Variants in PDE7B observed in about 807,000 individuals in gnomAD.
PDE7B encodes 3',5'-cyclic-AMP phosphodiesterase 7B.
In PDE7B, 29 loss-of-function variants were observed where a neutral mutation model predicts 56.2. The observed-to-expected ratio is 0.52, with a 90% CI of 0.38 to 0.70. PDE7B has a LOEUF of 0.70. Among genes scored for constraint, PDE7B ranks in the 30% least tolerant of loss-of-function variants. The pLI is 0.00. For missense variants in PDE7B, 490 were observed against 565.0 expected (o/e 0.87, Z 1.35); for synonymous variants, 197 against 196.9 (o/e 1.00, Z 0.00).
chr6:136,181,391 C>T (rs1453477482), intron 11 of PDE7B, 68 bp downstream of exon 11: 2 of 917,426 alleles, frequency 2.2e-6, no homozygotes, highest in East Asian at 4.8e-5. Flanking sequence ...CCTAATAAAA[C>T]AGGAAATGGC....
chr6:135,907,654 A>G (rs561853208), intron 1 of PDE7B, among the ~76,000 whole-genome samples: 2 of 152,130 alleles, frequency 1.3e-5, no homozygotes, highest in Non-Finnish European at 2.9e-5. Context: ...TAGAAAAAGT[A>G]GTTAGACAAT....
At chr6:136,184,553 C>T (rs1020485705) in intron 11 of PDE7B, among the ~76,000 whole-genome samples, 2 of 152,184 alleles carry the variant, frequency 1.3e-5, no homozygotes, top group East Asian at 3.8e-4. Context: ...TGCAGCAAAT[C>T]CCATTAGAGA....
intron 2 of PDE7B, among the ~76,000 whole-genome samples, chr6:135,999,272 CTTTTA>C (rs1002501172): frequency 4.6e-5 from 7 of 152,020 alleles, no homozygotes; most frequent in African/African-American, 7.2e-5. Context: ...TTTCTTGTAA[CTTTTA>C]TTTTAGGTTC....
intron 2 of PDE7B, among the ~76,000 whole-genome samples, chr6:136,000,211 C>T (rs553498337): frequency 6.6e-6 from 1 of 152,314 alleles, no homozygotes; most frequent in East Asian, 1.9e-4. Flanking sequence ...TCTGTTCAAT[C>T]TGTTGATAGC....
intron 3 of PDE7B, among the ~76,000 whole-genome samples, chr6:136,118,488 A>T (rs1377995122): frequency 6.6e-6 from 1 of 152,168 alleles, no homozygotes; most frequent in South Asian, 2.1e-4. Context: ...GCACAGTTAG[A>T]CTCATTTAAT....
chr6:136,064,476 A>G (rs1392275533), intron 2 of PDE7B: 2 of 152,246 alleles, frequency 1.3e-5, no homozygotes, highest in Non-Finnish European at 2.9e-5. Context: ...GCTGTTACCC[A>G]GTGTTCTCAA....
intron 3 of PDE7B, among the ~76,000 whole-genome samples, chr6:136,123,787 CTTT>C (rs1388615384): frequency 1.3e-5 from 2 of 152,182 alleles, no homozygotes; most frequent in Non-Finnish European, 2.9e-5. Flanking sequence ...AAGAGTTTAG[CTTT>C]CTTATTGTTG....
intron 1 of PDE7B, among the ~76,000 whole-genome samples, chr6:135,917,871 T>G (rs899456144): frequency 6.6e-6 from 1 of 152,172 alleles, no homozygotes; most frequent in African/African-American, 2.4e-5. Context: ...TGATTGGAGA[T>G]CTCAGCTGCA....
intron 1 of PDE7B, among the ~76,000 whole-genome samples, chr6:135,911,348 C>T (rs557864810): frequency 1.1e-4 from 17 of 152,292 alleles, no homozygotes; most frequent in South Asian, 1.0e-3. Context: ...ACTGGATGAC[C>T]TTGGCCACCA....
chr6:135,970,603 A>C (rs1452240549), intron 2 of PDE7B, among the ~76,000 whole-genome samples: 1 of 152,190 alleles, frequency 6.6e-6, no homozygotes, highest in Non-Finnish European at 1.5e-5. Flanking sequence ...CCCGGTATAC[A>C]TTGTGAAGAG....
At chr6:136,047,212 T>C (rs1027294187) in intron 2 of PDE7B, 1 of 152,204 alleles carries the variant, frequency 6.6e-6, no homozygotes, top group African/African-American at 2.4e-5. Flanking sequence ...GTCTCTCTCT[T>C]AAACACATAC....
At chr6:136,112,668 G>A (rs1176686021) in intron 3 of PDE7B, 1 of 151,754 alleles carries the variant, frequency 6.6e-6, no homozygotes, top group African/African-American at 2.4e-5. Flanking sequence ...TTCAAGAATG[G>A]ACTCACATTG....
chr6:135,892,562 A>T (rs542616111), intron 1 of PDE7B, among the ~76,000 whole-genome samples: 18 of 152,298 alleles, frequency 1.2e-4, no homozygotes, highest in Non-Finnish European at 2.5e-4. Context: ...TTAAATAATT[A>T]CTTCCATCAG....
At chr6:135,938,767 C>A (rs1424772233) in intron 1 of PDE7B, among the ~76,000 whole-genome samples, 1 of 152,154 alleles carries the variant, frequency 6.6e-6, no homozygotes, top group African/African-American at 2.4e-5. Context: ...GATCTCCCTG[C>A]AGGGATACGA....
At chr6:135,909,874 G>A (rs533536130) in intron 1 of PDE7B, among the ~76,000 whole-genome samples, 1 of 152,132 alleles carries the variant, frequency 6.6e-6, no homozygotes, top group African/African-American at 2.4e-5. Flanking sequence ...TCGGATCCTC[G>A]GCAAACGCAG....
intron 8 of PDE7B, among the ~76,000 whole-genome samples, chr6:136,156,280 C>T (rs542404795): frequency 6.6e-5 from 10 of 151,810 alleles, no homozygotes; most frequent in African/African-American, 2.2e-4. Flanking sequence ...GCCTGGAATT[C>T]CTGAGCTCAA....
intron 11 of PDE7B, among the ~76,000 whole-genome samples, chr6:136,186,202 GC>G (rs1347257681): frequency 1.8e-4 from 28 of 152,142 alleles, no homozygotes; most frequent in African/African-American, 6.5e-4. Context: ...GATAGCTTGA[GC>G]TCAGAAGATT....
chr6:135,953,737 T>G (rs980202310), intron 2 of PDE7B, among the ~76,000 whole-genome samples: 3 of 152,182 alleles, frequency 2.0e-5, no homozygotes, highest in African/African-American at 7.2e-5. Flanking sequence ...CAAGTGCATG[T>G]TGGCAATTTA....
chr6:136,007,443 C>T (rs1468401057), intron 2 of PDE7B, among the ~76,000 whole-genome samples: 2 of 152,086 alleles, frequency 1.3e-5, no homozygotes, highest in South Asian at 2.1e-4. Context: ...AGGGAAGAGT[C>T]CCTCCTCCTC....
Sources: gnomAD v4.1 joint callset for allele counts (sites outside exome capture counted in the v4.1 genomes callset) on GRCh38, gnomAD v4.1.1 for gene constraint, MANE v1.5 for transcripts, NCBI Gene and HGNC (gene_info 2026-07-23, HGNC 2026-07-21) for gene names.